Variants in PPP1R1B observed in about 807,000 individuals in gnomAD.
The protein encoded by PPP1R1B is protein phosphatase 1 regulatory subunit 1B.
PPP1R1B carries 13 observed loss-of-function variants against 28.2 expected under a neutral mutation model. The ratio of observed to expected loss-of-function variants is 0.46; its 90% CI spans 0.30 to 0.73. The LOEUF is 0.73. Among genes scored for constraint, PPP1R1B ranks in the 30% least tolerant of loss-of-function variants. The pLI, the probability that PPP1R1B is intolerant of heterozygous loss-of-function variation, is 0.07. For synonymous variants in PPP1R1B, 102 were observed against 97.5 expected (o/e 1.05, Z -0.27); for missense variants, 236 against 256.7 (o/e 0.92, Z 0.55).
chr17:39,631,633 A>T (rs1255807864), intron 4 of PPP1R1B, among the ~76,000 whole-genome samples: 2 of 152,234 alleles, frequency 1.3e-5, no homozygotes, highest in African/African-American at 4.8e-5. Flanking sequence ...ATAAGTTCCC[A>T]GCACCAGCCA....
intron 4 of PPP1R1B, among the ~76,000 whole-genome samples, chr17:39,631,778 A>C (rs752008009): frequency 2.6e-5 from 4 of 152,154 alleles, no homozygotes; most frequent in African/African-American, 7.2e-5. Context: ...AGCTGCAGCA[A>C]GTGGGCAGTG....
intron 4 of PPP1R1B, chr17:39,630,398 G>T: frequency 3.1e-6 from 1 of 320,370 alleles, no homozygotes; most frequent in Non-Finnish European, 6.0e-6. Flanking sequence ...CTCATCCAGG[G>T]CGCCTTCTCC....
chr17:39,635,527 T>C (rs980443937), intron 5 of PPP1R1B, 80 bp from the exon 6 acceptor site: 6 of 1,543,684 alleles, frequency 3.9e-6, no homozygotes, highest in Non-Finnish European at 3.5e-6. Flanking sequence ...ACCTCAGCCA[T>C]CAGACACTTA....
rs116571888 is a variant in PPP1R1B at position 39,633,488 on chromosome 17, G to A, written c.242-395G>A. On this transcript the variant is annotated intron_variant, in intron 4 of 6. Transcript: ENST00000254079. ...CCCCAGGCCCTGGTTCCTACGCCCT[G>A]TGCCTTCTGCCTGGGCTTGAAGCTG... 9.0e-3 allele frequency: 1,844 copies of A among 204,372 alleles called. 28 individuals are homozygous for A. Among genetic ancestry groups the A allele is most frequent in the African/African-American group, 0.04 (1,723 of 43,324 alleles). The allele number at this position is 204,372 out of a possible 1,614,324, so 12.7% of individuals were successfully genotyped here. A position where few individuals can be genotyped will look rare whatever the true frequency, so the allele number is the denominator to read the frequency against.
intron 4 of PPP1R1B, chr17:39,632,595 T>TTGTGC (rs1338359533): frequency 6.6e-6 from 1 of 152,090 alleles, no homozygotes; most frequent in African/African-American, 2.4e-5. Context: ...GCTTGAGGGG[T>TTGTGC]TGTGCTCCAA....
At chr17:39,631,940 ATG>A (rs2056880942) in intron 4 of PPP1R1B, among the ~76,000 whole-genome samples, 1 of 152,028 alleles carries the variant, frequency 6.6e-6, no homozygotes, top group Admixed American at 6.5e-5. Context: ...GGCTGGGTGG[ATG>A]TGAGGGGAAG....
chr17:39,629,414 GCA>G (rs2056859485), intron 2 of PPP1R1B, 124 bp from the exon 3 acceptor site: 1 of 1,371,196 alleles, frequency 7.3e-7, no homozygotes, highest in South Asian at 1.2e-5. Flanking sequence ...GAGGGAGAGG[GCA>G]CACTTTCCCT....
intron 1 of PPP1R1B, chr17:39,628,731 T>C: frequency 3.0e-6 from 3 of 993,944 alleles, no homozygotes; most frequent in Non-Finnish European, 2.4e-6. Context: ...ATGGGTGCCA[T>C]GGCCCGTGGG....
chr17:39,630,134 G>T, intron 4 of PPP1R1B, 87 bp downstream of exon 4: 1 of 1,284,776 alleles, frequency 7.8e-7, no homozygotes, highest in Non-Finnish European at 1.1e-6. Flanking sequence ...AGTGGGGAGG[G>T]ATTGTTTCGC....
chr17:39,629,699 G>A, intron 3 of PPP1R1B, 137 bp downstream of exon 3: 1 of 893,736 alleles, frequency 1.1e-6, no homozygotes, highest in African/African-American at 1.7e-5. Flanking sequence ...GCAGTCCTCT[G>A]AGAGTGCCTC....
At chr17:39,634,216 C>T (rs768209352) in intron 5 of PPP1R1B, 130 bp downstream of exon 5, 20 of 1,221,298 alleles carry the variant, frequency 1.6e-5, no homozygotes, top group African/African-American at 7.3e-5. Flanking sequence ...CCTGTCTTCT[C>T]GCTCCATGGG....
intron 4 of PPP1R1B, chr17:39,633,425 G>C (rs982904762): frequency 5.1e-6 from 1 of 195,078 alleles, no homozygotes; most frequent in Non-Finnish European, 1.1e-5. Context: ...TGAGCCCTCA[G>C]CAGGCTGGGC....
chr17:39,631,908 C>T (rs2144842395), intron 4 of PPP1R1B, among the ~76,000 whole-genome samples: 1 of 152,134 alleles, frequency 6.6e-6, no homozygotes, highest in South Asian at 2.1e-4. Context: ...CTCTCCCTCC[C>T]ACCTTGGGCT....
chr17:39,634,235 AACTCAGCCCTACC>A, intron 5 of PPP1R1B, 149 bp downstream of exon 5: 2 of 971,432 alleles, frequency 2.1e-6, no homozygotes, highest in Non-Finnish European at 3.1e-6. Flanking sequence ...GGGTGCCCCG[AACTCAGCCCTACC>A]TGAGACATGG....
chr17:39,633,774 T>G (rs1597781008), intron 4 of PPP1R1B, 109 bp from the exon 5 acceptor site: 2 of 1,554,972 alleles, frequency 1.3e-6, no homozygotes, highest in African/African-American at 2.7e-5. Flanking sequence ...GGGGGTATTC[T>G]CTGCCCCAGG....
At chr17:39,629,101 TC>T in intron 1 of PPP1R1B, 68 bp from the exon 2 acceptor site, 1 of 1,487,788 alleles carries the variant, frequency 6.7e-7, no homozygotes, top group Non-Finnish European at 9.3e-7. Context: ...CACTGTTTGT[TC>T]CCTGCTGCCT....
chr17:39,627,281 C>A lies in PPP1R1B; in HGVS notation c.-112C>A, dbSNP rs368239379. 1.4e-4 allele frequency: 100 copies of A among 698,044 alleles called. No individual in the cohort carries two copies. In the African/African-American group the frequency reaches 1.7e-3, roughly 12 times the overall value. 43.2% of individuals were successfully genotyped at this position (698,044 alleles called of 1,614,324 possible). A position where few individuals can be genotyped will look rare whatever the true frequency, so the allele number is the denominator to read the frequency against. On this transcript the variant is annotated 5_prime_UTR_variant, in exon 1 of 7. Coordinates refer to ENST00000254079, the MANE Select transcript of PPP1R1B (RefSeq NM_032192.4). Reference sequence around the variant, plus strand: ...GGTATTTTTATCCGTGCGCGAACAGCCCTCCTCCTCCTCTCGCCGCACAGC... The same window carrying A: ...GGTATTTTTATCCGTGCGCGAACAGACCTCCTCCTCCTCTCGCCGCACAGC...
In PPP1R1B at chr17:39,636,038, A is replaced by C; in HGVS notation, c.*173A>C. On this transcript the variant is annotated 3_prime_UTR_variant, in exon 7 of 7. Transcript: ENST00000254079. ...TTGCTTGTTTGCCCACCTTTGGCTG[A>C]TACCCAGAGAACCTGGGCACTTGCT... The C allele has an allele frequency of 1.4e-6, 1 of 717,672 alleles. No individual in the cohort carries two copies. Among genetic ancestry groups the C allele is most frequent in the Non-Finnish European group, 2.2e-6 (1 of 446,752 alleles). The allele number at this position is 717,672 out of a possible 1,614,324, so 44.5% of individuals were successfully genotyped here.
chr17:39,627,556 C>T, intron 1 of PPP1R1B, 83 bp downstream of exon 1: 2 of 908,952 alleles, frequency 2.2e-6, no homozygotes, highest in Middle Eastern at 2.4e-4. Flanking sequence ...CTGCCCCGGC[C>T]GGACTGGCCT....
Sources: allele counts gnomAD v4.1 joint callset (sites outside exome capture counted in the v4.1 genomes callset), GRCh38; gene constraint gnomAD v4.1.1; transcripts MANE v1.5; gene names NCBI Gene and HGNC (gene_info 2026-07-23, HGNC 2026-07-21).